CWC27: variants seen among roughly 807,000 people sequenced by gnomAD.
The protein encoded by CWC27 is spliceosome-associated protein CWC27 homolog.
In CWC27, 47 loss-of-function variants were observed where a neutral mutation model predicts 63.6. The ratio of observed to expected loss-of-function variants is 0.74; its 90% CI spans 0.58 to 0.94. CWC27 has a LOEUF of 0.94. Among genes scored for constraint, CWC27 ranks in the 40% least tolerant of loss-of-function variants. The probability of loss-of-function intolerance (pLI) is 0.00; values close to 1 mark genes in which losing one functional copy is unlikely to be tolerated. For synonymous variants in CWC27, 175 were observed against 179.8 expected, an observed-to-expected ratio of 0.97 and a Z score of 0.22; for missense variants, 495 against 554.3, an observed-to-expected ratio of 0.89 and a Z score of 1.07.
At chr5:64,989,286 A>C (rs1749492668) in intron 13 of CWC27, among the ~76,000 whole-genome samples, 1 of 152,194 alleles carries the variant, frequency 6.6e-6, no homozygotes, top group African/African-American at 2.4e-5. Context: ...ATTTCTGTAT[A>C]ACTAGTGAGT....
chr5:64,972,904 G>C lies in CWC27; in HGVS notation c.1152+1092G>C, dbSNP rs77035169. On this transcript the variant is annotated intron_variant, in intron 12 of 13. Coordinates refer to ENST00000381070, the MANE Select transcript of CWC27 (RefSeq NM_005869.4). ...GCTAAACAAGTAATACCAGTGAAAG[G>C]GGGTGAGCATTATGAAAGGGTAGGT... Among the ~76,000 whole-genome samples, 136 of 152,294 alleles carry C rather than the reference G, an allele frequency of 8.9e-4. 1 individual carries two copies. The East Asian group carries it at 0.026, about 29-fold the overall frequency.
At chr5:64,878,469 T>TAAAAAA (rs1746849585) in intron 10 of CWC27, among the ~76,000 whole-genome samples, 3 of 27,078 alleles carry the variant, frequency 1.1e-4, no homozygotes, top group African/African-American at 6.4e-4. Flanking sequence ...GGGTTACAGA[T>TAAAAAA]TAAAAAAAAA....
intron 11 of CWC27, among the ~76,000 whole-genome samples, chr5:64,912,590 A>T (rs1747814415): frequency 6.6e-6 from 1 of 152,186 alleles, no homozygotes; most frequent in African/African-American, 2.4e-5. Context: ...AGACCAAGCC[A>T]AAAACTGGTT....
chr5:64,867,069 T>A (rs1006486299), intron 10 of CWC27, among the ~76,000 whole-genome samples: 7 of 152,022 alleles, frequency 4.6e-5, no homozygotes, highest in Admixed American at 6.6e-5. Flanking sequence ...GCAATTTGGG[T>A]TAGTTTTAAG....
intron 5 of CWC27, among the ~76,000 whole-genome samples, chr5:64,786,258 TG>T (rs1267625837): frequency 6.6e-6 from 1 of 151,994 alleles, no homozygotes; most frequent in African/African-American, 2.4e-5. Flanking sequence ...TTGTTTACTG[TG>T]TATCATTTAC....
At chr5:64,813,652 T>C (rs923597054) in intron 10 of CWC27, among the ~76,000 whole-genome samples, 2 of 152,192 alleles carry the variant, frequency 1.3e-5, no homozygotes, top group Non-Finnish European at 2.9e-5. Context: ...GATTTGACAT[T>C]ATGTGCAGAA....
intron 11 of CWC27, among the ~76,000 whole-genome samples, chr5:64,922,232 A>G (rs1474085225): frequency 2.6e-5 from 4 of 152,196 alleles, no homozygotes; most frequent in Non-Finnish European, 5.9e-5. Context: ...TGTTTTCCAT[A>G]TTACTTACCC....
chr5:64,795,713 T>A (rs185400234), intron 7 of CWC27, among the ~76,000 whole-genome samples: 42 of 152,286 alleles, frequency 2.8e-4, no homozygotes, highest in African/African-American at 8.9e-4. Context: ...TAATCCAGGA[T>A]AATGTCCCCA....
In CWC27 at chr5:64,776,526, A is replaced by C. The variant is rs548593571; in HGVS notation, c.139+1739A>C. On this transcript the variant is annotated intron_variant, in intron 2 of 13. Coordinates refer to ENST00000381070, the MANE Select transcript of CWC27 (RefSeq NM_005869.4). ...AGGAGAAAGAAGAAAGAATAGAAAA[A>C]TAATTTTAAAAATAACCACAACAAT... 2.6e-5 allele frequency among the ~76,000 whole-genome samples: 4 copies of C among 152,264 alleles called. No individual in the cohort carries two copies. The South Asian group carries it at 8.3e-4, about 32-fold the overall frequency.
chr5:65,003,208 A>T (rs1469300723), intron 13 of CWC27, among the ~76,000 whole-genome samples: 3 of 152,212 alleles, frequency 2.0e-5, no homozygotes, highest in Admixed American at 1.3e-4. Context: ...TATAGGCAGC[A>T]TATTGCTGGG....
intron 10 of CWC27, among the ~76,000 whole-genome samples, chr5:64,817,943 G>C (rs1745089625): frequency 6.6e-6 from 1 of 151,840 alleles, no homozygotes; most frequent in African/African-American, 2.4e-5. Context: ...TTTATTTTTT[G>C]TGTACTCACA....
intron 10 of CWC27, among the ~76,000 whole-genome samples, chr5:64,847,830 T>C (rs1746030766): frequency 6.6e-6 from 1 of 150,600 alleles, no homozygotes; most frequent in Non-Finnish European, 1.5e-5. Context: ...TTGGGAAAAA[T>C]GAAAATGTAA....
intron 9 of CWC27, among the ~76,000 whole-genome samples, chr5:64,802,807 T>C (rs918550344): frequency 2.0e-5 from 3 of 152,210 alleles, no homozygotes; most frequent in African/African-American, 7.2e-5. Context: ...TTTGGAGACA[T>C]CTGTGTAACA....
At position 64,774,717 on chromosome 5, in the gene CWC27, T is replaced by C; in HGVS notation, c.69T>C (p.Asp23=). ...TTTTATTGAAAACTACAGCTGGAGA[T>C]ATTGACATAGAGTTGTGGTCCAAAG... ...GKVLLKTTAG[D]IDIELWSKEA... Residue 23 remains aspartate, a synonymous_variant, in exon 2 of 14, where the codon GAT becomes GAC. Coordinates refer to ENST00000381070, the MANE Select transcript of CWC27 (RefSeq NM_005869.4). 1 of 1,596,504 alleles carries C rather than the reference T, an allele frequency of 6.3e-7. No individual in the cohort carries two copies. Among genetic ancestry groups the C allele is most frequent in the Non-Finnish European group, 8.5e-7 (1 of 1,172,796 alleles).
At chr5:64,983,258 G>C (rs867201556) in intron 13 of CWC27, among the ~76,000 whole-genome samples, 2 of 152,140 alleles carry the variant, frequency 1.3e-5, no homozygotes, top group African/African-American at 4.8e-5. Flanking sequence ...AAAAAATTTA[G>C]TGATATGAGT....
At chr5:64,783,431 A>G (rs1441886340) in intron 3 of CWC27, among the ~76,000 whole-genome samples, 3 of 152,222 alleles carry the variant, frequency 2.0e-5, no homozygotes, top group Admixed American at 2.0e-4. Context: ...TTGTTTAATG[A>G]CATTTAGAAT....
chr5:64,810,569 T>C (rs1333529050), intron 10 of CWC27, among the ~76,000 whole-genome samples: 10 of 152,200 alleles, frequency 6.6e-5, no homozygotes, highest in Non-Finnish European at 1.5e-5. Context: ...TTCTTCAATT[T>C]CTTTCAATGT....
chr5:64,951,056 T>C (rs1441570328), intron 11 of CWC27, among the ~76,000 whole-genome samples: 1 of 151,934 alleles, frequency 6.6e-6, no homozygotes, highest in African/African-American at 2.4e-5. Context: ...TTTTTAAGTA[T>C]TATGAATAAA....
chr5:65,015,332 A>G (rs1750032327), intron 13 of CWC27, among the ~76,000 whole-genome samples: 1 of 152,234 alleles, frequency 6.6e-6, no homozygotes, highest in Admixed American at 6.5e-5. Context: ...AGAGAAAAGG[A>G]TAATTTTTTA....
Sources: gnomAD v4.1 joint callset for allele counts (sites outside exome capture counted in the v4.1 genomes callset) on GRCh38, gnomAD v4.1.1 for gene constraint, MANE v1.5 for transcripts, NCBI Gene and HGNC (gene_info 2026-07-23, HGNC 2026-07-21) for gene names.